The following DIAPH3 variants were observed in gnomAD, a reference collection of about 807,000 sequenced individuals.
The protein encoded by DIAPH3 is protein diaphanous homolog 3.
A neutral mutation model predicts 144.3 loss-of-function variants in DIAPH3; 117 were observed. The ratio of observed to expected loss-of-function variants is 0.81; its 90% CI spans 0.70 to 0.95. The LOEUF is 0.95. Ranked by LOEUF, DIAPH3 falls within the 40% of genes least tolerant of loss-of-function variation. The pLI is 0.00. For synonymous variants in DIAPH3, 519 were observed against 488.9 expected (o/e 1.06, Z -0.81); for missense variants, 1,421 against 1,412.7 (o/e 1.01, Z -0.09).
chr13:60,020,076 T>C (rs1341877592), intron 5 of DIAPH3, among the ~76,000 whole-genome samples: 1 of 152,186 alleles, frequency 6.6e-6, no homozygotes, highest in Non-Finnish European at 1.5e-5. Flanking sequence ...TGCATACTCC[T>C]TGAGTATAGG....
chr13:60,156,230 C>G (rs1366339111), intron 1 of DIAPH3, among the ~76,000 whole-genome samples: 1 of 152,194 alleles, frequency 6.6e-6, no homozygotes, highest in Non-Finnish European at 1.5e-5. Context: ...AATAACAATA[C>G]ATGTGTTTGC....
At chr13:59,856,251 G>A (rs941871742) in intron 22 of DIAPH3, among the ~76,000 whole-genome samples, 1 of 152,144 alleles carries the variant, frequency 6.6e-6, no homozygotes, top group Middle Eastern at 3.2e-3. Flanking sequence ...ATTTGATAAA[G>A]TGAAAAACCA....
chr13:59,802,664 ATTATTTTTTTTT>A (rs1275671538), intron 25 of DIAPH3, among the ~76,000 whole-genome samples: 4 of 32,536 alleles, frequency 1.2e-4, no homozygotes, highest in African/African-American at 3.3e-4. Flanking sequence ...TATTATTATT[ATTATTTTTTTTT>A]TTTTTTTTTT....
chr13:59,850,665 G>C (rs1201897313), intron 22 of DIAPH3, among the ~76,000 whole-genome samples: 1 of 152,010 alleles, frequency 6.6e-6, no homozygotes, highest in Non-Finnish European at 1.5e-5. Context: ...TCCCAGGGAT[G>C]AAGCCCACTT....
At chr13:59,930,081 T>A (rs984791500) in intron 17 of DIAPH3, among the ~76,000 whole-genome samples, 9 of 152,336 alleles carry the variant, frequency 5.9e-5, no homozygotes, top group African/African-American at 2.2e-4. Flanking sequence ...CTGTATATTT[T>A]ATGTTAAGTG....
At chr13:60,109,457 A>G (rs143374612) in intron 3 of DIAPH3, among the ~76,000 whole-genome samples, 146 of 149,322 alleles carry the variant, frequency 9.8e-4, no homozygotes, top group Admixed American at 2.1e-3. Flanking sequence ...AGACAAATTC[A>G]GTCCAGAGAA....
intron 27 of DIAPH3, among the ~76,000 whole-genome samples, chr13:59,729,461 T>A (rs1418249927): frequency 6.6e-6 from 1 of 151,774 alleles, no homozygotes; most frequent in Admixed American, 6.6e-5. Flanking sequence ...CTGGCAGTTG[T>A]GTGTGGGGTG....
At chr13:59,766,232 G>C (rs112716783) in intron 27 of DIAPH3, among the ~76,000 whole-genome samples, 257 of 152,144 alleles carry the variant, frequency 1.7e-3, no homozygotes, top group African/African-American at 5.9e-3. Flanking sequence ...CACAGGGCCC[G>C]GGAGGCACCT....
intron 24 of DIAPH3, among the ~76,000 whole-genome samples, chr13:59,820,995 T>G (rs115318163): frequency 0.013 from 2,025 of 151,994 alleles, 50 homozygotes; most frequent in African/African-American, 0.046. Flanking sequence ...ACTAGGAGAT[T>G]TAATCATTTG....
At chr13:59,694,677 T>C (rs2033707601) in intron 27 of DIAPH3, among the ~76,000 whole-genome samples, 2 of 152,192 alleles carry the variant, frequency 1.3e-5, no homozygotes, top group Non-Finnish European at 2.9e-5. Flanking sequence ...TAGTAAATGC[T>C]TCCTTTGTTC....
chr13:59,982,311 T>A (rs1838559163), intron 13 of DIAPH3, among the ~76,000 whole-genome samples: 1 of 151,422 alleles, frequency 6.6e-6, no homozygotes, highest in African/African-American at 2.4e-5. Context: ...CATTCCTAAA[T>A]GACCCAGTGG....
chr13:59,820,012 C>T (rs2040978279), intron 24 of DIAPH3, among the ~76,000 whole-genome samples: 1 of 110,208 alleles, frequency 9.1e-6, no homozygotes. Context: ...TAAATTTTAG[C>T]CCTATATAAA....
At chr13:59,967,132 T>C (rs961712555) in intron 17 of DIAPH3, among the ~76,000 whole-genome samples, 1 of 152,158 alleles carries the variant, frequency 6.6e-6, no homozygotes, top group Non-Finnish European at 1.5e-5. Flanking sequence ...AGTGGCGTGA[T>C]CCTGGCTCGC....
At chr13:59,723,458 A>C (rs1370995564) in intron 27 of DIAPH3, among the ~76,000 whole-genome samples, 1 of 151,878 alleles carries the variant, frequency 6.6e-6, no homozygotes, top group Admixed American at 6.6e-5. Context: ...TTAACTATAT[A>C]TTGTGTGTGT....
intron 2 of DIAPH3, among the ~76,000 whole-genome samples, chr13:60,125,472 C>A: frequency 6.9e-6 from 1 of 144,522 alleles, no homozygotes; most frequent in Non-Finnish European, 1.5e-5. Context: ...AAGTTCTGGG[C>A]TCATGCAGTC....
chr13:59,682,602 A>T (rs1294636339), intron 27 of DIAPH3, among the ~76,000 whole-genome samples: 1 of 152,196 alleles, frequency 6.6e-6, no homozygotes, highest in Non-Finnish European at 1.5e-5. Context: ...ATGCCTTTAA[A>T]TTTTTTAGCT....
At chr13:60,025,827 A>T (rs1306097897) in intron 5 of DIAPH3, among the ~76,000 whole-genome samples, 4 of 151,544 alleles carry the variant, frequency 2.6e-5, no homozygotes, top group Non-Finnish European at 4.4e-5. Flanking sequence ...AGGACAATTT[A>T]AAAAAAAACT....
At chr13:59,962,655 T>G (rs1198361207) in intron 17 of DIAPH3, among the ~76,000 whole-genome samples, 1 of 152,072 alleles carries the variant, frequency 6.6e-6, no homozygotes, top group Non-Finnish European at 1.5e-5. Context: ...GGCTGAGAAT[T>G]TATCAGGTTT....
chr13:59,816,580 C>A (rs1004766567), intron 24 of DIAPH3, among the ~76,000 whole-genome samples: 1 of 151,662 alleles, frequency 6.6e-6, no homozygotes, highest in Non-Finnish European at 1.5e-5. Context: ...AGAATAACCT[C>A]ATTTTTGCCT....
Sources: allele counts gnomAD v4.1 joint callset (sites outside exome capture counted in the v4.1 genomes callset), GRCh38; gene constraint gnomAD v4.1.1; transcripts MANE v1.5; gene names NCBI Gene and HGNC (gene_info 2026-07-23, HGNC 2026-07-21).